Variants in DOCK3 observed in about 807,000 individuals in gnomAD.
The protein encoded by DOCK3 is dedicator of cytokinesis protein 3.
In DOCK3, 60 loss-of-function variants were observed where a neutral mutation model predicts 265.6. The observed-to-expected ratio is 0.23, with a 90% CI of 0.18 to 0.28. The LOEUF is 0.28. Ranked by LOEUF, DOCK3 falls within the 10% of genes least tolerant of loss-of-function variation. The probability of loss-of-function intolerance (pLI) is 1.00; values close to 1 mark genes in which losing one functional copy is unlikely to be tolerated. For synonymous variants in DOCK3, 881 were observed against 938.0 expected, an observed-to-expected ratio of 0.94 and a Z score of 1.11; for missense variants, 1,981 against 2,594.3, an observed-to-expected ratio of 0.76 and a Z score of 5.14.
At chr3:50,826,932 CTG>C (rs2044791805) in intron 2 of DOCK3, among the ~76,000 whole-genome samples, 1 of 152,056 alleles carries the variant, frequency 6.6e-6, no homozygotes, top group Non-Finnish European at 1.5e-5. Context: ...AAGAGAGAAA[CTG>C]AAGTATAAAA....
At chr3:50,755,853 C>A (rs1216449081) in intron 1 of DOCK3, among the ~76,000 whole-genome samples, 3 of 152,086 alleles carry the variant, frequency 2.0e-5, no homozygotes. Context: ...TATTCTTTTT[C>A]TAGACTAATA....
At chr3:50,740,749 G>A (rs955202016) in intron 1 of DOCK3, among the ~76,000 whole-genome samples, 1 of 152,004 alleles carries the variant, frequency 6.6e-6, no homozygotes, top group African/African-American at 2.4e-5. Flanking sequence ...TATTTGTCAT[G>A]CATTTTGTTG....
chr3:50,884,525 T>G (rs2048230700), intron 3 of DOCK3, among the ~76,000 whole-genome samples: 1 of 152,212 alleles, frequency 6.6e-6, no homozygotes, highest in East Asian at 1.9e-4. Flanking sequence ...TGCTGATAAT[T>G]CAGATAGGTT....
chr3:50,702,212 T>C (rs2036085695), intron 1 of DOCK3, among the ~76,000 whole-genome samples: 1 of 152,210 alleles, frequency 6.6e-6, no homozygotes, highest in South Asian at 2.1e-4. Flanking sequence ...GGGATTTCTT[T>C]CCGTTTCTTT....
chr3:51,323,367 C>G (rs1195057055), intron 32 of DOCK3, among the ~76,000 whole-genome samples: 2 of 152,190 alleles, frequency 1.3e-5, no homozygotes, highest in Non-Finnish European at 2.9e-5. Context: ...TAGTAGACAT[C>G]TACAGAACTC....
At chr3:51,255,487 G>C (rs1037352547) in intron 22 of DOCK3, among the ~76,000 whole-genome samples, 2 of 152,110 alleles carry the variant, frequency 1.3e-5, no homozygotes, top group Admixed American at 6.6e-5. Context: ...CATTCTCCCC[G>C]TCACTTTCAG....
intron 14 of DOCK3, among the ~76,000 whole-genome samples, chr3:51,215,203 G>C (rs1280680910): frequency 6.6e-6 from 1 of 152,138 alleles, no homozygotes; most frequent in Non-Finnish European, 1.5e-5. Context: ...CACCCACTAG[G>C]TGCAAGCAAT....
chr3:51,134,025 G>T (rs946970160), intron 9 of DOCK3, among the ~76,000 whole-genome samples: 2 of 152,168 alleles, frequency 1.3e-5, no homozygotes, highest in Admixed American at 1.3e-4. Context: ...GTGAGAACAT[G>T]TAGTGTTTGG....
At chr3:51,201,492 C>A (rs139477793) in intron 12 of DOCK3, among the ~76,000 whole-genome samples, 3 of 152,234 alleles carry the variant, frequency 2.0e-5, no homozygotes, top group Non-Finnish European at 2.9e-5. Flanking sequence ...TATATATGCA[C>A]CCAATACAGG....
chr3:51,201,275 A>C (rs1234379580), intron 12 of DOCK3, among the ~76,000 whole-genome samples: 1 of 150,786 alleles, frequency 6.6e-6, no homozygotes, highest in Admixed American at 6.6e-5. Context: ...GTATTCAGGA[A>C]ACCCATCTCA....
intron 1 of DOCK3, among the ~76,000 whole-genome samples, chr3:50,694,315 T>C (rs2035468076): frequency 1.3e-5 from 2 of 152,132 alleles, no homozygotes; most frequent in Admixed American, 1.3e-4. Context: ...TGGTAAGAGT[T>C]TCTAATACTT....
At position 50,689,737 on chromosome 3, in the gene DOCK3, G is replaced by A. The variant is rs1322810030; in HGVS notation, c.37+14437G>A. Reference sequence around the variant, plus strand: ...TGCTGCTGCTGATCTGACAGGAGGCGGAGCTCAGGTGGTAATGTGAGCAGT... The same window carrying A: ...TGCTGCTGCTGATCTGACAGGAGGCAGAGCTCAGGTGGTAATGTGAGCAGT... On this transcript the variant is annotated intron_variant, in intron 1 of 52. Transcript: ENST00000266037. 2.0e-5 allele frequency among the ~76,000 whole-genome samples: 3 copies of A among 152,186 alleles called. No homozygotes were observed. In the East Asian group the frequency reaches 5.8e-4, roughly 29 times the overall value.
At position 50,903,188 on chromosome 3, in the gene DOCK3, A is replaced by G. The variant is rs765461272; in HGVS notation, c.218+13107A>G. ...CTCTTGCCTGACTGCCCTGACCAGA[A>G]CTTCCAATGCTGTGTTGAATAGGAG... On this transcript the variant is annotated intron_variant, in intron 4 of 52. Transcript: ENST00000266037. Among the ~76,000 whole-genome samples the G allele has an allele frequency of 3.3e-4, 50 of 152,306 alleles. No homozygotes were observed. In the East Asian group the frequency reaches 4.4e-3, roughly 14 times the overall value.
chr3:50,696,682 G>A (rs1400331847), intron 1 of DOCK3, among the ~76,000 whole-genome samples: 2 of 152,076 alleles, frequency 1.3e-5, no homozygotes, highest in Non-Finnish European at 2.9e-5. Flanking sequence ...CTTTTTTGGG[G>A]GTGGGGTGGG....
chr3:50,938,958 A>C (rs1029850334), intron 5 of DOCK3, among the ~76,000 whole-genome samples: 1 of 151,892 alleles, frequency 6.6e-6, no homozygotes, highest in Non-Finnish European at 1.5e-5. Flanking sequence ...AAATTAATGA[A>C]ATTTAAAAAA....
chr3:51,093,288 A>G (rs887662170), intron 9 of DOCK3, among the ~76,000 whole-genome samples: 2 of 152,086 alleles, frequency 1.3e-5, no homozygotes, highest in Admixed American at 1.3e-4. Context: ...CATTTTCATT[A>G]TATTGATTCT....
chr3:51,000,922 G>A (rs1338053738), intron 5 of DOCK3, among the ~76,000 whole-genome samples: 3 of 152,220 alleles, frequency 2.0e-5, no homozygotes, highest in African/African-American at 4.8e-5. Context: ...CAAAGTGCTG[G>A]GATTACAGGC....
chr3:51,228,934 T>C (rs2090439178), intron 18 of DOCK3, 102 bp downstream of exon 18: 1 of 1,371,376 alleles, frequency 7.3e-7, no homozygotes, highest in Non-Finnish European at 9.8e-7. Context: ...TCCTTCTTGA[T>C]GCCATAATAA....
chr3:50,792,054 C>T (rs984434655), intron 2 of DOCK3, among the ~76,000 whole-genome samples: 1 of 151,210 alleles, frequency 6.6e-6, no homozygotes. Context: ...GGCAGTATGA[C>T]CATTTTAATG....
Sources: allele counts gnomAD v4.1 joint callset (sites outside exome capture counted in the v4.1 genomes callset), GRCh38; gene constraint gnomAD v4.1.1; transcripts MANE v1.5; gene names NCBI Gene and HGNC (gene_info 2026-07-23, HGNC 2026-07-21).